The following CTNNA2 variants were observed in gnomAD, a reference collection of about 807,000 sequenced individuals.
CTNNA2 encodes catenin alpha 2.
Under a neutral mutation model 101.0 loss-of-function variants are expected in CTNNA2, and 42 were observed. That is an observed-to-expected ratio of 0.42 (90% confidence interval 0.32 to 0.54). The LOEUF is 0.54. CTNNA2 is among the 20% of genes least tolerant of loss of function. The probability of loss-of-function intolerance (pLI) is 0.14; values close to 1 mark genes in which losing one functional copy is unlikely to be tolerated. For missense variants in CTNNA2, 871 were observed against 1,223.1 expected (o/e 0.71, Z 4.29); for synonymous variants, 450 against 456.4 (o/e 0.99, Z 0.18).
At chr2:80,393,610 C>G (rs957533758) in intron 8 of CTNNA2, among the ~76,000 whole-genome samples, 16 of 152,106 alleles carry the variant, frequency 1.1e-4, no homozygotes, top group African/African-American at 3.6e-4. Context: ...AAGAGCCTGC[C>G]TCTGATCTTT....
At chr2:80,152,432 G>T (rs1373160153) in intron 7 of CTNNA2, among the ~76,000 whole-genome samples, 3 of 152,100 alleles carry the variant, frequency 2.0e-5, no homozygotes, top group African/African-American at 4.8e-5. Flanking sequence ...CAGAGCAGGG[G>T]TTGGTTCTCA....
intron 15 of CTNNA2, chr2:80,601,971 A>C (rs1697585804): frequency 6.6e-6 from 1 of 152,088 alleles, no homozygotes; most frequent in Admixed American, 6.6e-5. Flanking sequence ...GATTCAGGAC[A>C]CACAGACTTC....
intron 7 of CTNNA2, among the ~76,000 whole-genome samples, chr2:80,076,017 C>A (rs776958357): frequency 3.8e-4 from 57 of 151,674 alleles, no homozygotes; most frequent in Non-Finnish European, 6.5e-4. Context: ...ACTTTGGAAC[C>A]ATAAGAAATA....
intron 7 of CTNNA2, among the ~76,000 whole-genome samples, chr2:80,204,192 C>A (rs537550356): frequency 1.1e-4 from 17 of 152,302 alleles, no homozygotes; most frequent in South Asian, 4.1e-4. Flanking sequence ...AGATATTTTC[C>A]CCATTCTCTT....
intron 9 of CTNNA2, among the ~76,000 whole-genome samples, chr2:80,532,143 T>G (rs1431450164): frequency 1.3e-5 from 2 of 152,198 alleles, no homozygotes; most frequent in Non-Finnish European, 2.9e-5. Flanking sequence ...CTCCTTGTCC[T>G]TATGTATTTC....
chr2:79,318,023 T>C (rs1261329247), intron 3 of CTNNA2, among the ~76,000 whole-genome samples: 1 of 152,092 alleles, frequency 6.6e-6, no homozygotes, highest in African/African-American at 2.4e-5. Context: ...TCACCTATCA[T>C]GCTTAAACAA....
intron 4 of CTNNA2, among the ~76,000 whole-genome samples, chr2:79,438,110 C>T (rs1250506775): frequency 6.9e-5 from 10 of 145,760 alleles, no homozygotes; most frequent in Non-Finnish European, 1.3e-4. Flanking sequence ...AGTCGGTAAC[C>T]CCTAGCAGCA....
chr2:80,197,135 T>C (rs1438552897), intron 7 of CTNNA2, among the ~76,000 whole-genome samples: 2 of 152,202 alleles, frequency 1.3e-5, no homozygotes, highest in African/African-American at 4.8e-5. Context: ...ATGAGATCTC[T>C]ATTCAGAGCA....
At chr2:80,352,612 T>C (rs189482704) in intron 7 of CTNNA2, among the ~76,000 whole-genome samples, 2 of 152,262 alleles carry the variant, frequency 1.3e-5, no homozygotes, top group African/African-American at 2.4e-5. Context: ...CTTCTAAGAA[T>C]TGTAAAGGAA....
At chr2:80,316,987 T>TACCA (rs1678192539) in intron 7 of CTNNA2, among the ~76,000 whole-genome samples, 1 of 152,088 alleles carries the variant, frequency 6.6e-6, no homozygotes, top group Admixed American at 6.6e-5. Context: ...AGGCAAGGCT[T>TACCA]CCTTGAGGTG....
intron 9 of CTNNA2, among the ~76,000 whole-genome samples, chr2:80,459,542 C>T (rs907087919): frequency 2.0e-5 from 3 of 152,042 alleles, no homozygotes; most frequent in African/African-American, 7.2e-5. Context: ...AGGCAGAAGC[C>T]AGGGAAAAAA....
intron 2 of CTNNA2, among the ~76,000 whole-genome samples, chr2:79,741,798 A>G (rs1671303506): frequency 6.6e-6 from 1 of 152,026 alleles, no homozygotes; most frequent in South Asian, 2.1e-4. Context: ...ATGTAATTTA[A>G]TGTTTACTTT....
At chr2:80,326,722 A>C (rs1376566930) in intron 7 of CTNNA2, among the ~76,000 whole-genome samples, 1 of 152,214 alleles carries the variant, frequency 6.6e-6, no homozygotes, top group Non-Finnish European at 1.5e-5. Context: ...CATTTAAGGA[A>C]AAAAATCTTC....
At chr2:79,847,847 G>A (rs75997405) in intron 3 of CTNNA2, among the ~76,000 whole-genome samples, 4,469 of 152,226 alleles carry the variant, frequency 0.029, 229 homozygotes, top group African/African-American at 0.1. Flanking sequence ...TTAGATGCTA[G>A]CATGTTTGAT....
At chr2:80,449,428 CA>C (rs1209903922) in intron 9 of CTNNA2, among the ~76,000 whole-genome samples, 6 of 151,960 alleles carry the variant, frequency 3.9e-5, no homozygotes, top group Admixed American at 2.6e-4. Context: ...AAGAACAAAC[CA>C]AAAACCACCT....
chr2:79,428,346 G>A (rs1048384041), intron 4 of CTNNA2, among the ~76,000 whole-genome samples: 2 of 152,036 alleles, frequency 1.3e-5, no homozygotes, highest in Non-Finnish European at 2.9e-5. Flanking sequence ...TATATGCTCA[G>A]TAAGGCTCCA....
chr2:79,555,647 T>A (rs965717369), intron 1 of CTNNA2, among the ~76,000 whole-genome samples: 1 of 152,158 alleles, frequency 6.6e-6, no homozygotes, highest in Non-Finnish European at 1.5e-5. Context: ...GAATTCTGAC[T>A]AGAGCATTGA....
At chr2:80,403,408 A>G (rs1678745693) in intron 8 of CTNNA2, among the ~76,000 whole-genome samples, 1 of 152,228 alleles carries the variant, frequency 6.6e-6, no homozygotes, top group Admixed American at 6.5e-5. Context: ...GTTGGACTCC[A>G]GATTCGAAGA....
At chr2:79,663,090 A>G (rs1367979684) in intron 2 of CTNNA2, among the ~76,000 whole-genome samples, 1 of 152,060 alleles carries the variant, frequency 6.6e-6, no homozygotes, top group East Asian at 1.9e-4. Context: ...TTCAGCCCAC[A>G]GTTTTTCACA....
Sources: allele counts gnomAD v4.1 joint callset (sites outside exome capture counted in the v4.1 genomes callset), GRCh38; gene constraint gnomAD v4.1.1; transcripts MANE v1.5; gene names NCBI Gene and HGNC (gene_info 2026-07-23, HGNC 2026-07-21).